The following MALL variants were observed in gnomAD, a reference collection of about 807,000 sequenced individuals.
The protein encoded by MALL is MAL-like protein.
In MALL, 2 loss-of-function variants were observed where a neutral mutation model predicts 10.3. That is an observed-to-expected ratio of 0.19 (90% confidence interval 0.08 to 0.61). The LOEUF (loss-of-function observed/expected upper bound fraction) is 0.61. Among genes scored for constraint, MALL ranks in the 20% least tolerant of loss-of-function variants. The probability of loss-of-function intolerance (pLI) is 0.88; values close to 1 mark genes in which losing one functional copy is unlikely to be tolerated. For missense variants in MALL, 39 were observed against 115.2 expected (o/e 0.34, Z 3.03); for synonymous variants, 27 against 51.8 (o/e 0.52, Z 2.05).
At chr2:110,100,200 A>G (rs183398021) in intron 1 of MALL, among the ~76,000 whole-genome samples, 1 of 152,110 alleles carries the variant, frequency 6.6e-6, no homozygotes, top group African/African-American at 2.4e-5. Flanking sequence ...TGAAGCCAAC[A>G]GGGCATAATG....
intron 1 of MALL, among the ~76,000 whole-genome samples, chr2:110,108,738 A>T (rs906718930): frequency 6.6e-6 from 1 of 152,202 alleles, no homozygotes; most frequent in African/African-American, 2.4e-5. Flanking sequence ...GCACATTGTC[A>T]TCAGGTTATC....
At chr2:110,108,416 T>C (rs1678738823) in intron 1 of MALL, among the ~76,000 whole-genome samples, 2 of 151,916 alleles carry the variant, frequency 1.3e-5, no homozygotes, top group South Asian at 4.2e-4. Flanking sequence ...AGCAATTGAA[T>C]TTAACAAGTG....
At chr2:110,109,807 A>G (rs892155733) in intron 1 of MALL, among the ~76,000 whole-genome samples, 5 of 152,194 alleles carry the variant, frequency 3.3e-5, no homozygotes, top group African/African-American at 9.6e-5. Flanking sequence ...TCTAAGATAG[A>G]CCATATGCTA....
chr2:110,111,085 A>G lies in MALL; in HGVS notation c.105+4603T>C, dbSNP rs947842221. 7.9e-5 allele frequency among the ~76,000 whole-genome samples: 12 copies of G among 152,204 alleles called. No individual in the cohort carries two copies. The South Asian group carries it at 1.2e-3, about 16-fold the overall frequency. Reference sequence around the variant, plus strand: ...GACATATCTTAATGTAATAAAAGCCATCTATGACAAACCCACAGCCAACGT... The same window carrying G: ...GACATATCTTAATGTAATAAAAGCCGTCTATGACAAACCCACAGCCAACGT... On this transcript the variant is annotated intron_variant, in intron 1 of 3. Coordinates refer to ENST00000272462, the MANE Select transcript of MALL (RefSeq NM_005434.5).
chr2:110,101,032 C>T (rs1038386095), intron 1 of MALL, among the ~76,000 whole-genome samples: 4 of 151,318 alleles, frequency 2.6e-5, no homozygotes, highest in African/African-American at 9.7e-5. Flanking sequence ...GGGCAGGGCT[C>T]ACCTGACTGC....
chr2:110,102,926 C>T (rs1678604683), intron 1 of MALL, among the ~76,000 whole-genome samples: 1 of 152,130 alleles, frequency 6.6e-6, no homozygotes, highest in South Asian at 2.1e-4. Context: ...AATACACATC[C>T]CCCTCCATAC....
At chr2:110,097,819 A>G (rs1245905388) in intron 1 of MALL, among the ~76,000 whole-genome samples, 1 of 152,060 alleles carries the variant, frequency 6.6e-6, no homozygotes, top group Non-Finnish European at 1.5e-5. Context: ...CCAACCCCAA[A>G]TTCCTTTTCT....
intron 1 of MALL, among the ~76,000 whole-genome samples, chr2:110,107,063 AG>A (rs1161797575): frequency 2.6e-4 from 1 of 3,808 alleles, no homozygotes; most frequent in Non-Finnish European, 5.5e-4. Flanking sequence ...TTTGTTCAGG[AG>A]GGGGTGAGGG....
intron 1 of MALL, among the ~76,000 whole-genome samples, chr2:110,105,281 G>C (rs1678663722): frequency 6.6e-6 from 1 of 152,246 alleles, no homozygotes; most frequent in South Asian, 2.1e-4. Context: ...GCCACAGGCA[G>C]TGTGGGGAGG....
Position 110,102,598 on chromosome 2 carries a change from G to A in MALL, c.106-10828C>T, listed in dbSNP as rs150299948. 5.1e-3 allele frequency among the ~76,000 whole-genome samples: 783 copies of A among 152,316 alleles called. 6 individuals are homozygous for A. Among genetic ancestry groups the A allele is most frequent in the African/African-American group, 0.018 (741 of 41,568 alleles). On this transcript the variant is annotated intron_variant, in intron 1 of 3. Coordinates refer to ENST00000272462, the MANE Select transcript of MALL (RefSeq NM_005434.5). Reference sequence around the variant, plus strand: ...GACAGACGCCCATGGAAGTGGCATCGCCTGCCGCCTTCTGGGCCTTCCACT... The same window carrying A: ...GACAGACGCCCATGGAAGTGGCATCACCTGCCGCCTTCTGGGCCTTCCACT...
rs189593996 is a variant in MALL, at chr2:110,112,786, A to G, written c.105+2902T>C. ...ATTCAAAAAAGATACTTGCACACAC[A>G]TGTTTATAGCAGCACAATTCACAAT... On this transcript the variant is annotated intron_variant, in intron 1 of 3. Transcript: ENST00000272462. Among the ~76,000 whole-genome samples the G allele has an allele frequency of 8.3e-4, 126 of 151,958 alleles. 1 individual carries two copies. The East Asian group carries it at 0.014, about 17-fold the overall frequency.
intron 1 of MALL, among the ~76,000 whole-genome samples, chr2:110,104,357 T>C (rs2104388190): frequency 6.6e-6 from 1 of 152,298 alleles, no homozygotes; most frequent in Admixed American, 6.5e-5. Flanking sequence ...TTCTGTTTCC[T>C]ACTGGACCGT....
intron 1 of MALL, among the ~76,000 whole-genome samples, chr2:110,114,743 A>G (rs1290605389): frequency 3.3e-5 from 5 of 151,436 alleles, no homozygotes; most frequent in African/African-American, 1.2e-4. Context: ...AAGTAGATGC[A>G]CTTTCTATCT....
rs1055168104 is a variant in MALL, at chr2:110,115,483, G to C, written c.105+205C>G. Among the ~76,000 whole-genome samples the C allele has an allele frequency of 6.6e-4, 100 of 151,624 alleles. 1 individual carries two copies. Among genetic ancestry groups the C allele is most frequent in the Non-Finnish European group, 1.6e-4 (11 of 67,932 alleles). ...GCCCCTGTGCTCGCTCCCCGCTCTC[G>C]GTCCGGTCTGGGTCTCTCTCGGCGC... On this transcript the variant is annotated intron_variant, in intron 1 of 3. Transcript: ENST00000272462.
intron 1 of MALL, among the ~76,000 whole-genome samples, chr2:110,101,603 C>T (rs907667566): frequency 7.9e-5 from 12 of 152,116 alleles, no homozygotes; most frequent in African/African-American, 2.4e-4. Flanking sequence ...CCCGGCCTCC[C>T]TGGGATGGGC....
At chr2:110,108,898 A>G (rs1374114391) in intron 1 of MALL, among the ~76,000 whole-genome samples, 1 of 152,172 alleles carries the variant, frequency 6.6e-6, no homozygotes, top group Admixed American at 6.5e-5. Context: ...AGCCTCCTCA[A>G]ACAAAACAAT....
intron 1 of MALL, among the ~76,000 whole-genome samples, chr2:110,095,654 CT>C (rs1395962521): frequency 2.0e-5 from 3 of 150,834 alleles, no homozygotes; most frequent in Non-Finnish European, 4.4e-5. Flanking sequence ...GTAGTGTGAA[CT>C]TTTTTTAACC....
chr2:110,115,970 C>A (rs1422718314), upstream of MALL: 10 of 394,402 alleles, frequency 2.5e-5, no homozygotes, highest in Non-Finnish European at 4.5e-5. Context: ...GGCGGCCCAG[C>A]GGCATCGGAT....
upstream of MALL, among the ~76,000 whole-genome samples, chr2:110,117,706 T>A (rs1448421123): frequency 6.6e-6 from 1 of 151,812 alleles, no homozygotes; most frequent in African/African-American, 2.4e-5. Flanking sequence ...TCATGGTTCC[T>A]CTGATCAGAG....
Sources: allele counts gnomAD v4.1 joint callset (sites outside exome capture counted in the v4.1 genomes callset), GRCh38; gene constraint gnomAD v4.1.1; transcripts MANE v1.5; gene names NCBI Gene and HGNC (gene_info 2026-07-23, HGNC 2026-07-21).